Variants in CREB1 observed in about 807,000 individuals in gnomAD.
CREB1 encodes cyclic AMP-responsive element-binding protein 1.
In CREB1, 2 loss-of-function variants were observed where a neutral mutation model predicts 42.0. That is an observed-to-expected ratio of 0.05 (90% CI 0.02 to 0.15). The LOEUF (loss-of-function observed/expected upper bound fraction) is 0.15, where lower values mean the gene tolerates loss of function less well. Ranked by LOEUF, CREB1 falls within the 10% of genes least tolerant of loss-of-function variation. The pLI is 1.00. For missense variants in CREB1, 199 were observed against 388.9 expected, an observed-to-expected ratio of 0.51 and a Z score of 4.11; for synonymous variants, 123 against 139.9, an observed-to-expected ratio of 0.88 and a Z score of 0.85.
chr2:207,578,172 GT>G (rs1272266020), intron 7 of CREB1: 2 of 152,390 alleles, frequency 1.3e-5, no homozygotes, highest in Non-Finnish European at 2.9e-5. Context: ...AGAATACCAT[GT>G]TACGGACAAA....
chr2:207,565,871 G>C (rs996769279), intron 3 of CREB1, among the ~76,000 whole-genome samples: 2 of 152,128 alleles, frequency 1.3e-5, no homozygotes, highest in African/African-American at 4.8e-5. Flanking sequence ...CATAGCTCCT[G>C]ATCTTCTGTA....
chr2:207,602,191 A>G lies in CREB1; in HGVS notation c.*5133A>G, dbSNP rs2087178239. Reference sequence around the variant, plus strand: ...CAGATAACGTTTGAATGGAGGGATTATATTTCAGGTGTTTTAGCTTGAAAT... The same window carrying G: ...CAGATAACGTTTGAATGGAGGGATTGTATTTCAGGTGTTTTAGCTTGAAAT... On this transcript the variant is annotated 3_prime_UTR_variant, in exon 8 of 8. Transcript: ENST00000353267. 1 of 191,214 alleles carries G rather than the reference A, an allele frequency of 5.2e-6. No individual in the cohort carries two copies. The highest frequency in any genetic ancestry group is 1.9e-4 in the South Asian group (1 of 5,166). The allele number at this position is 191,214 out of a possible 1,614,324, so 11.8% of individuals were successfully genotyped here. A position where few individuals can be genotyped will look rare whatever the true frequency, so the allele number is the denominator to read the frequency against.
rs201246908 is a variant in CREB1 at position 207,552,657 on chromosome 2, G to GT, written c.-8-2970dup. On this transcript the variant is annotated intron_variant, in intron 1 of 7. Transcript: ENST00000353267. ...GTCTTGCTCTGTCACCCAGGCTGCA[G>GT]TGCAGTGGCGCGATCTCGGCTTACT... Among the ~76,000 whole-genome samples the GT allele has an allele frequency of 5.9e-3, 880 of 148,966 alleles. 5 individuals carry two copies. Among genetic ancestry groups the GT allele is most frequent in the Non-Finnish European group, 9.2e-3 (624 of 67,592 alleles).
chr2:207,544,488 T>A (rs1348456918), intron 1 of CREB1, among the ~76,000 whole-genome samples: 1 of 152,220 alleles, frequency 6.6e-6, no homozygotes, highest in Non-Finnish European at 1.5e-5. Context: ...CCTGTCAAGC[T>A]CTTTCATATA....
chr2:207,547,469 T>C (rs1305227395), intron 1 of CREB1, among the ~76,000 whole-genome samples: 1 of 152,170 alleles, frequency 6.6e-6, no homozygotes, highest in Non-Finnish European at 1.5e-5. Flanking sequence ...AAAGTAACTG[T>C]ATGTAGGAAG....
chr2:207,564,245 G>A (rs904830159), intron 3 of CREB1, among the ~76,000 whole-genome samples: 6 of 152,050 alleles, frequency 3.9e-5, no homozygotes, highest in Non-Finnish European at 1.5e-5. Context: ...TGTATCTAAG[G>A]CCAGGTGCAG....
intron 4 of CREB1, 78 bp from the exon 5 acceptor site, chr2:207,570,101 C>T: frequency 5.7e-6 from 4 of 701,482 alleles, no homozygotes; most frequent in South Asian, 2.2e-5. Flanking sequence ...TGTGAGTTTT[C>T]TCATCTTTAA....
chr2:207,581,269 T>TA (rs563162607), intron 7 of CREB1: 1 of 198,298 alleles, frequency 5.0e-6, no homozygotes, highest in Non-Finnish European at 1.0e-5. Context: ...ATGGATAGGG[T>TA]AAAAAATTTG....
At chr2:207,545,863 A>C (rs2081285346) in intron 1 of CREB1, among the ~76,000 whole-genome samples, 1 of 151,268 alleles carries the variant, frequency 6.6e-6, no homozygotes, top group Non-Finnish European at 1.5e-5. Flanking sequence ...CCTCCCGAGT[A>C]GCTGGGATTA....
At chr2:207,577,060 T>G in intron 6 of CREB1, 1 of 958,784 alleles carries the variant, frequency 1.0e-6, no homozygotes, top group South Asian at 4.6e-5. Context: ...ATCTTCTTTT[T>G]CATTTTGCTA....
chr2:207,561,512 A>G (rs1380287409), intron 3 of CREB1, among the ~76,000 whole-genome samples: 2 of 152,186 alleles, frequency 1.3e-5, no homozygotes, highest in South Asian at 2.1e-4. Context: ...ACTTTTACCT[A>G]GTGATCCCGG....
At chr2:207,575,934 TC>T (rs67598600) in intron 6 of CREB1, among the ~76,000 whole-genome samples, 1,859 of 14,194 alleles carry the variant, frequency 0.13, 274 homozygotes, top group Non-Finnish European at 0.15. Flanking sequence ...TTTCTCTGCT[TC>T]CCCCCCCCCC....
At chr2:207,576,761 A>T (rs191044965) in intron 6 of CREB1, 1 of 1,068,384 alleles carries the variant, frequency 9.4e-7, no homozygotes, top group East Asian at 6.4e-5. Context: ...AATAATTAAT[A>T]TGAATAATTT....
intron 1 of CREB1, among the ~76,000 whole-genome samples, chr2:207,547,362 T>C (rs2081337581): frequency 6.6e-6 from 1 of 152,222 alleles, no homozygotes; most frequent in South Asian, 2.1e-4. Flanking sequence ...TAGTAACTTT[T>C]GGGTACTTAC....
chr2:207,559,376 C>CTA, intron 2 of CREB1: 2 of 690,168 alleles, frequency 2.9e-6, no homozygotes, highest in Non-Finnish European at 3.6e-6. Flanking sequence ...TTTCTTTTAG[C>CTA]AAACCTCATT....
intron 7 of CREB1, among the ~76,000 whole-genome samples, chr2:207,592,183 G>A (rs927044793): frequency 2.3e-4 from 35 of 152,038 alleles, no homozygotes; most frequent in Non-Finnish European, 3.1e-4. Context: ...TGAGGTAGGC[G>A]GATCACAAGG....
intron 7 of CREB1, among the ~76,000 whole-genome samples, chr2:207,586,609 G>C (rs1313643822): frequency 6.6e-6 from 1 of 152,162 alleles, no homozygotes; most frequent in Non-Finnish European, 1.5e-5. Flanking sequence ...AGGAAACAGA[G>C]TGAAGAGACA....
chr2:207,594,506 C>T (rs2085731505), intron 7 of CREB1, among the ~76,000 whole-genome samples: 1 of 152,164 alleles, frequency 6.6e-6, no homozygotes. Flanking sequence ...CTTGTGTCAG[C>T]ATAATGCCCT....
rs1398105184 is a variant in CREB1, at chr2:207,597,570, A to ATTTC, written c.*512_*513insTTTC. 2.4e-5 allele frequency: 5 copies of ATTTC among 210,186 alleles called. No individual in the cohort carries two copies. Among genetic ancestry groups the ATTTC allele is most frequent in the Non-Finnish European group, 4.8e-5 (5 of 103,416 alleles). The allele number at this position is 210,186 out of a possible 1,614,324, so 13.0% of individuals were successfully genotyped here. ...GTGAATTATGTAAAGTTGTTAAGAG[A>ATTTC]CATACCCTCTAAAAAAGAACTTTAG... On this transcript the variant is annotated 3_prime_UTR_variant, in exon 8 of 8. Transcript: ENST00000353267.
Sources: gnomAD v4.1 joint callset for allele counts (sites outside exome capture counted in the v4.1 genomes callset) on GRCh38, gnomAD v4.1.1 for gene constraint, MANE v1.5 for transcripts, NCBI Gene and HGNC (gene_info 2026-07-23, HGNC 2026-07-21) for gene names.